The following GABRB2 variants were observed in gnomAD, a reference collection of about 807,000 sequenced individuals.
GABRB2 encodes gamma-aminobutyric acid type A receptor subunit beta2, also known as gamma-aminobutyric acid receptor subunit beta-2.
A neutral mutation model predicts 54.7 loss-of-function variants in GABRB2; 16 were observed. The ratio of observed to expected loss-of-function variants is 0.29; its 90% CI spans 0.20 to 0.44. The LOEUF (loss-of-function observed/expected upper bound fraction) is 0.44, where lower values mean the gene tolerates loss of function less well. Among genes scored for constraint, GABRB2 ranks in the 20% least tolerant of loss-of-function variants. The probability of loss-of-function intolerance (pLI) is 1.00; values close to 1 mark genes in which losing one functional copy is unlikely to be tolerated. For missense variants in GABRB2, 355 were observed against 644.0 expected (o/e 0.55, Z 4.86); for synonymous variants, 244 against 233.8 (o/e 1.04, Z -0.40).
chr5:161,429,070 G>T (rs193194234), intron 4 of GABRB2, among the ~76,000 whole-genome samples: 101 of 151,758 alleles, frequency 6.7e-4, no homozygotes, highest in Non-Finnish European at 9.0e-4. Context: ...AAATTGGCCA[G>T]GCATGGTGGC....
At chr5:161,444,249 A>G (rs944074697) in intron 4 of GABRB2, among the ~76,000 whole-genome samples, 2 of 152,176 alleles carry the variant, frequency 1.3e-5, no homozygotes, top group Admixed American at 6.6e-5. Flanking sequence ...CCCTATGCCA[A>G]TGAAATAATA....
chr5:161,477,502 G>T (rs1758629846), intron 3 of GABRB2, among the ~76,000 whole-genome samples: 1 of 151,892 alleles, frequency 6.6e-6, no homozygotes, highest in Non-Finnish European at 1.5e-5. Flanking sequence ...AGAGATAGTT[G>T]CATATCCACG....
chr5:161,404,569 T>C (rs575117235), intron 5 of GABRB2, among the ~76,000 whole-genome samples: 14 of 152,146 alleles, frequency 9.2e-5, no homozygotes, highest in Admixed American at 3.3e-4. Context: ...TCAAGAAGGT[T>C]TAGATTATTC....
At chr5:161,516,283 C>T (rs940266098) in intron 3 of GABRB2, among the ~76,000 whole-genome samples, 1 of 152,104 alleles carries the variant, frequency 6.6e-6, no homozygotes, top group Non-Finnish European at 1.5e-5. Flanking sequence ...CTGAAAGAAA[C>T]TATGCTAAGG....
At chr5:161,501,612 T>C (rs1399261737) in intron 3 of GABRB2, among the ~76,000 whole-genome samples, 3 of 152,148 alleles carry the variant, frequency 2.0e-5, no homozygotes, top group South Asian at 2.1e-4. Context: ...CAGATATTCC[T>C]AATGTATTTT....
intron 3 of GABRB2, among the ~76,000 whole-genome samples, chr5:161,507,744 T>C (rs1414855969): frequency 6.6e-6 from 1 of 152,008 alleles, no homozygotes. Flanking sequence ...AATAGGCATA[T>C]GAAAAATTGC....
At position 161,305,161 on chromosome 5, in the gene GABRB2, C is replaced by T. The variant is rs928093406; in HGVS notation, c.1192-10733G>A. On this transcript the variant is annotated intron_variant, in intron 9 of 9. Coordinates refer to ENST00000393959, the MANE Select transcript of GABRB2 (RefSeq NM_001371727.1). ...CCTCCCGAGTAGCTGGGACTACAGG[C>T]GCCCGCCACCGCGCCCGGCTAATTT... Among the ~76,000 whole-genome samples, 18 of 151,372 alleles carry T rather than the reference C, an allele frequency of 1.2e-4. No individual in the cohort carries two copies. In the East Asian group the frequency reaches 3.3e-3, roughly 28 times the overall value.
At chr5:161,407,253 G>GACACA in intron 5 of GABRB2, among the ~76,000 whole-genome samples, 1 of 151,972 alleles carries the variant, frequency 6.6e-6, no homozygotes, top group South Asian at 2.1e-4. Flanking sequence ...TAGCTGAGCT[G>GACACA]GCACAGAATA....
intron 4 of GABRB2, among the ~76,000 whole-genome samples, chr5:161,450,981 C>A (rs1036461908): frequency 6.6e-6 from 1 of 151,650 alleles, no homozygotes; most frequent in East Asian, 1.9e-4. Context: ...TTCTGCTTGA[C>A]AAAATATATT....
At chr5:161,520,902 C>T (rs1048485647) in intron 3 of GABRB2, among the ~76,000 whole-genome samples, 2 of 151,958 alleles carry the variant, frequency 1.3e-5, no homozygotes, top group Non-Finnish European at 2.9e-5. Flanking sequence ...ATACATCTTG[C>T]CAACAATCAA....
chr5:161,466,356 T>C (rs749260605), intron 3 of GABRB2, among the ~76,000 whole-genome samples: 13 of 152,110 alleles, frequency 8.5e-5, no homozygotes, highest in Non-Finnish European at 1.9e-4. Flanking sequence ...CTTTGGTAGA[T>C]ATTTTAGGAT....
At chr5:161,333,808 C>T (rs1753918530) in intron 7 of GABRB2, among the ~76,000 whole-genome samples, 1 of 152,162 alleles carries the variant, frequency 6.6e-6, no homozygotes, top group Non-Finnish European at 1.5e-5. Flanking sequence ...GTCTTAGTTC[C>T]AATGACAACT....
chr5:161,537,868 A>T lies in GABRB2; in HGVS notation c.237+7359T>A, dbSNP rs149683380. Reference sequence around the variant, plus strand: ...TCTACCCTTTCCTCACTCCCACTCCAGTCTTTTAAAATGACTTCCAAATCC... The same window carrying T: ...TCTACCCTTTCCTCACTCCCACTCCTGTCTTTTAAAATGACTTCCAAATCC... On this transcript the variant is annotated intron_variant, in intron 3 of 9. Transcript: ENST00000393959. 8.9e-3 allele frequency among the ~76,000 whole-genome samples: 1,351 copies of T among 152,110 alleles called. 16 individuals are homozygous for T. Among genetic ancestry groups the T allele is most frequent in the African/African-American group, 0.029 (1,201 of 41,490 alleles).
chr5:161,289,232 C>CTTTTTTTTTTTTTTTTTTTTTTTTTTTT lies in GABRB2; in HGVS notation c.*4848_*4849insAAAAAAAAAAAAAAAAAAAAAAAAAAAA. On this transcript the variant is annotated 3_prime_UTR_variant, in exon 10 of 10. Coordinates refer to ENST00000393959, the MANE Select transcript of GABRB2 (RefSeq NM_001371727.1). The stretch of plus-strand genomic sequence containing the variant: ...ACCTAGTAGCTTTTTAAGAGTGCTG[C>CTTTTTTTTTTTTTTTTTTTTTTTTTTTT]TTTTTTTTTTTTTTTTTGTACAGAT... The CTTTTTTTTTTTTTTTTTTTTTTTTTTTT allele has an allele frequency of 3.7e-3, 333 of 90,446 alleles. 17 individuals are homozygous for CTTTTTTTTTTTTTTTTTTTTTTTTTTTT. Among genetic ancestry groups the CTTTTTTTTTTTTTTTTTTTTTTTTTTTT allele is most frequent in the African/African-American group, 0.013 (211 of 16,218 alleles). The allele number at this position is 90,446 out of a possible 1,614,324, so 5.6% of individuals were successfully genotyped here.
chr5:161,487,703 T>A (rs1758970084), intron 3 of GABRB2, among the ~76,000 whole-genome samples: 1 of 151,898 alleles, frequency 6.6e-6, no homozygotes, highest in South Asian at 2.1e-4. Flanking sequence ...AATGCCCAAT[T>A]TCCAGAGTAG....
upstream of GABRB2, among the ~76,000 whole-genome samples, chr5:161,547,573 G>A (rs989195157): frequency 1.1e-4 from 16 of 152,158 alleles, no homozygotes; most frequent in African/African-American, 3.9e-4. Context: ...TATAGCAGGA[G>A]GGGAGGGGGG....
chr5:161,450,562 T>C (rs2113235089), intron 4 of GABRB2, among the ~76,000 whole-genome samples: 1 of 152,206 alleles, frequency 6.6e-6, no homozygotes, highest in Middle Eastern at 3.4e-3. Flanking sequence ...TCCAAGTAAC[T>C]AAATAACTCC....
rs1236841780 is a variant in GABRB2, at chr5:161,331,839, G to T, written c.833-712C>A. 2.0e-5 allele frequency among the ~76,000 whole-genome samples: 3 copies of T among 152,144 alleles called. No individual in the cohort carries two copies. In the South Asian group the frequency reaches 6.2e-4, roughly 32 times the overall value. On this transcript the variant is annotated intron_variant, in intron 7 of 9. Coordinates refer to ENST00000393959, the MANE Select transcript of GABRB2 (RefSeq NM_001371727.1). The stretch of plus-strand genomic sequence containing the variant: ...GAACAATCACTGTGGTGACAGTGTG[G>T]ATGATGGGGAGAAGCAGGCATGGCA...
At chr5:161,508,295 T>C (rs1053121917) in intron 3 of GABRB2, among the ~76,000 whole-genome samples, 1 of 149,850 alleles carries the variant, frequency 6.7e-6, no homozygotes, top group African/African-American at 2.5e-5. Context: ...AATAGAGACA[T>C]AGCAAAGTAG....
Sources: gnomAD v4.1 joint callset for allele counts (sites outside exome capture counted in the v4.1 genomes callset) on GRCh38, gnomAD v4.1.1 for gene constraint, MANE v1.5 for transcripts, NCBI Gene and HGNC (gene_info 2026-07-23, HGNC 2026-07-21) for gene names.